The following KCNMA1 variants were observed in gnomAD, a reference collection of about 807,000 sequenced individuals.
The protein encoded by KCNMA1 is Calcium-activated potassium channel subunit alpha-1.
In KCNMA1, 29 loss-of-function variants were observed where a neutral mutation model predicts 140.0. The observed-to-expected ratio is 0.21, with a 90% CI of 0.15 to 0.28. The LOEUF is 0.28. KCNMA1 is among the 10% of genes least tolerant of loss of function. KCNMA1 has a pLI of 1.00. For synonymous variants in KCNMA1, 612 were observed against 611.9 expected, an observed-to-expected ratio of 1.00 and a Z score of 0.00; for missense variants, 880 against 1,602.2, an observed-to-expected ratio of 0.55 and a Z score of 7.70.
intron 18 of KCNMA1, among the ~76,000 whole-genome samples, chr10:77,003,709 A>G (rs1271328098): frequency 2.6e-5 from 4 of 152,326 alleles, no homozygotes; most frequent in African/African-American, 9.6e-5. Flanking sequence ...CCTGGTTTTC[A>G]TTTCCATACT....
At chr10:77,414,463 T>G (rs1566691786) in intron 1 of KCNMA1, among the ~76,000 whole-genome samples, 3 of 152,242 alleles carry the variant, frequency 2.0e-5, no homozygotes, top group Non-Finnish European at 1.5e-5. Context: ...ACAAGAAGCC[T>G]GCAAGATAGG....
At chr10:76,961,445 T>C (rs2071388898) in intron 20 of KCNMA1, among the ~76,000 whole-genome samples, 1 of 152,180 alleles carries the variant, frequency 6.6e-6, no homozygotes, top group African/African-American at 2.4e-5. Context: ...CTAGTGAAGA[T>C]TCTGTGAGCA....
At chr10:77,611,348 C>A (rs1603638486) in intron 1 of KCNMA1, among the ~76,000 whole-genome samples, 1 of 152,148 alleles carries the variant, frequency 6.6e-6, no homozygotes, top group East Asian at 1.9e-4. Flanking sequence ...ATGTGTGAAC[C>A]CAGAGGCAAA....
rs1261587252 is a variant in KCNMA1 at position 76,886,604 on chromosome 10, G to T, written c.*662C>A. ...AGAAATGTTCATAAGAACTCCCAGA[G>T]GGAACTGGCTCTGGGACAAAAGGCC... On this transcript the variant is annotated 3_prime_UTR_variant, in exon 28 of 28. Transcript: ENST00000286628. 1 of 988,952 alleles carries T rather than the reference G, an allele frequency of 1.0e-6. No individual in the cohort carries two copies. Among genetic ancestry groups the T allele is most frequent in the Non-Finnish European group, 1.2e-6 (1 of 832,226 alleles). The allele number at this position is 988,952 out of a possible 1,614,324, so 61.3% of individuals were successfully genotyped here.
chr10:77,204,980 C>T (rs2043611733), intron 3 of KCNMA1, among the ~76,000 whole-genome samples: 1 of 152,120 alleles, frequency 6.6e-6, no homozygotes, highest in South Asian at 2.1e-4. Flanking sequence ...CCCAATTTTC[C>T]AGCCCATCAC....
intron 1 of KCNMA1, among the ~76,000 whole-genome samples, chr10:77,597,995 T>C (rs1287318106): frequency 6.6e-6 from 1 of 152,216 alleles, no homozygotes; most frequent in African/African-American, 2.4e-5. Flanking sequence ...TTATTGAGAC[T>C]GAGTCTCACT....
rs564031317 is a variant in KCNMA1, at chr10:77,360,336, G to A, written c.540+43526C>T. Among the ~76,000 whole-genome samples, 269 of 152,338 alleles carry A rather than the reference G, an allele frequency of 1.8e-3. 1 individual carries two copies. The highest frequency in any genetic ancestry group is 3.0e-3 in the Non-Finnish European group (201 of 68,030). On this transcript the variant is annotated intron_variant, in intron 2 of 27. Transcript: ENST00000286628. ...AGGATGGAAGCCTGGCAAGAGGCAG[G>A]TCAGTCATCACAGGCAGGGATGACA...
At chr10:76,871,376 T>C (rs1388212182) in exon 28 of KCNMA1, 1 of 152,414 alleles carries the variant, frequency 6.6e-6, no homozygotes, top group Non-Finnish European at 1.5e-5. Flanking sequence ...ATTAGGTGTG[T>C]GTCCACTGCA....
chr10:77,626,093 G>A (rs1170538317), intron 1 of KCNMA1, among the ~76,000 whole-genome samples: 1 of 151,950 alleles, frequency 6.6e-6, no homozygotes, highest in Non-Finnish European at 1.5e-5. Context: ...CCCCTGCACG[G>A]CCTACGTTTT....
chr10:77,616,813 A>AC (rs2154568954), intron 1 of KCNMA1, among the ~76,000 whole-genome samples: 1 of 152,256 alleles, frequency 6.6e-6, no homozygotes, highest in South Asian at 2.1e-4. Context: ...CTCAAAAAAA[A>AC]AAAAAAGCCA....
intron 14 of KCNMA1, among the ~76,000 whole-genome samples, chr10:77,048,669 T>C (rs1321555171): frequency 6.6e-6 from 1 of 152,220 alleles, no homozygotes; most frequent in Non-Finnish European, 1.5e-5. Flanking sequence ...AGCCAACTTG[T>C]TTTATTTAAT....
chr10:77,423,125 T>C (rs2096903038), intron 1 of KCNMA1, among the ~76,000 whole-genome samples: 1 of 152,228 alleles, frequency 6.6e-6, no homozygotes, highest in Non-Finnish European at 1.5e-5. Flanking sequence ...GGTCTGTTTT[T>C]GGAAATTAGA....
chr10:76,885,958 C>A lies in KCNMA1; in HGVS notation c.*1308G>T. 2.0e-6 allele frequency: 2 copies of A among 985,426 alleles called. No individual in the cohort carries two copies. Among genetic ancestry groups the A allele is most frequent in the African/African-American group, 1.7e-5 (1 of 57,352 alleles). The allele number at this position is 985,426 out of a possible 1,614,324, so 61.0% of individuals were successfully genotyped here. A position where few individuals can be genotyped will look rare whatever the true frequency, so the allele number is the denominator to read the frequency against. ...GAGCAGCTCTCTATTGCCGTCATTACCCTGCCTAAATTGGCTACATTAAAG... is the reference window on the plus strand; with the variant it reads ...GAGCAGCTCTCTATTGCCGTCATTAACCTGCCTAAATTGGCTACATTAAAG... On this transcript the variant is annotated 3_prime_UTR_variant, in exon 28 of 28. Transcript: ENST00000286628.
intron 18 of KCNMA1, among the ~76,000 whole-genome samples, chr10:77,008,737 A>G (rs2089908706): frequency 6.6e-6 from 1 of 152,206 alleles, no homozygotes; most frequent in Non-Finnish European, 1.5e-5. Context: ...GGGATCTACC[A>G]TTCCAGGGTG....
Position 77,451,906 on chromosome 10 carries a change from A to T in KCNMA1, c.379-47883T>A, listed in dbSNP as rs545330085. On this transcript the variant is annotated intron_variant, in intron 1 of 27. Coordinates refer to ENST00000286628, the MANE Select transcript of KCNMA1 (RefSeq NM_001161352.2). ...TATAAGACTTTCACCACAGGAAACTAGGCCTAACAAGTATTTTCCTGTGGA... is the reference window on the plus strand; with the variant it reads ...TATAAGACTTTCACCACAGGAAACTTGGCCTAACAAGTATTTTCCTGTGGA... Among the ~76,000 whole-genome samples the T allele has an allele frequency of 6.2e-4, 94 of 152,348 alleles. 1 individual carries two copies. In the South Asian group the frequency reaches 0.019, roughly 30 times the overall value.
At chr10:77,003,886 C>G (rs2087394926) in intron 18 of KCNMA1, among the ~76,000 whole-genome samples, 1 of 152,108 alleles carries the variant, frequency 6.6e-6, no homozygotes, top group South Asian at 2.1e-4. Context: ...ATGTAAACCT[C>G]CTCCTTGATA....
At chr10:77,314,254 A>G (rs2080154173) in intron 2 of KCNMA1, 1 of 152,214 alleles carries the variant, frequency 6.6e-6, no homozygotes, top group Admixed American at 6.5e-5. Context: ...CAGAGGCCAC[A>G]TCAGGGACAA....
intron 1 of KCNMA1, chr10:77,634,098 A>G (rs1309783475): frequency 1.1e-6 from 1 of 930,586 alleles, no homozygotes; most frequent in Non-Finnish European, 1.3e-6. Flanking sequence ...GATAGACACC[A>G]GAGAGGTTAA....
intron 2 of KCNMA1, chr10:77,309,752 C>G (rs1056988011): frequency 2.0e-5 from 3 of 152,242 alleles, no homozygotes; most frequent in Admixed American, 1.3e-4. Context: ...CAGCCTCAGT[C>G]ATGGACAAGA....
Sources: gnomAD v4.1 joint callset for allele counts (sites outside exome capture counted in the v4.1 genomes callset) on GRCh38, gnomAD v4.1.1 for gene constraint, MANE v1.5 for transcripts, NCBI Gene and HGNC (gene_info 2026-07-23, HGNC 2026-07-21) for gene names.